The following TC2N variants were observed in gnomAD, a reference collection of about 807,000 sequenced individuals.
TC2N encodes tandem C2 domains nuclear protein.
Under a neutral mutation model 61.9 loss-of-function variants are expected in TC2N, and 51 were observed. The observed-to-expected ratio is 0.82, with a 90% CI of 0.66 to 1.04. The LOEUF is 1.04. TC2N is among the 50% of genes least tolerant of loss of function. TC2N has a pLI of 0.00. For synonymous variants in TC2N, 204 were observed against 192.6 expected (o/e 1.06, Z -0.49); for missense variants, 556 against 566.7 (o/e 0.98, Z 0.19).
intron 1 of TC2N, among the ~76,000 whole-genome samples, chr14:91,860,002 TA>T (rs1888559379): frequency 6.6e-6 from 1 of 152,184 alleles, no homozygotes; most frequent in Admixed American, 6.5e-5. Flanking sequence ...GTTTGAATCT[TA>T]ACCTGTGGGC....
intron 3 of TC2N, among the ~76,000 whole-genome samples, chr14:91,802,781 A>G (rs1722369983): frequency 6.6e-6 from 1 of 152,298 alleles, no homozygotes; most frequent in East Asian, 1.9e-4. Flanking sequence ...AAGACGTAGA[A>G]CATTTATTAA....
At chr14:91,841,875 G>T in intron 1 of TC2N, among the ~76,000 whole-genome samples, 1 of 152,024 alleles carries the variant, frequency 6.6e-6, no homozygotes, top group Non-Finnish European at 1.5e-5. Flanking sequence ...AGACTCTAGT[G>T]GTTCTGCTTC....
chr14:91,864,683 CTTAAATCAATG>C (rs1232113515), intron 1 of TC2N, among the ~76,000 whole-genome samples: 1 of 152,034 alleles, frequency 6.6e-6, no homozygotes, highest in East Asian at 1.9e-4. Flanking sequence ...ACTCTGTGGC[CTTAAATCAATG>C]TTAATTAATT....
chr14:91,864,777 C>CTTTTT (rs5810557), intron 1 of TC2N, among the ~76,000 whole-genome samples: 2 of 70,796 alleles, frequency 2.8e-5, no homozygotes, highest in African/African-American at 4.5e-5. Context: ...CTGCCTTCAT[C>CTTTTT]TTTTTTTTTT....
chr14:91,866,513 G>A (rs138151601), intron 1 of TC2N: 5 of 152,160 alleles, frequency 3.3e-5, no homozygotes, highest in Non-Finnish European at 4.4e-5. Context: ...TAGGATGAAC[G>A]TTTTCACCCA....
intron 1 of TC2N, among the ~76,000 whole-genome samples, chr14:91,819,625 A>T (rs551515148): frequency 1.3e-5 from 2 of 152,354 alleles, no homozygotes; most frequent in East Asian, 3.9e-4. Context: ...AATAAAGTGC[A>T]CCATAAGTAT....
intron 9 of TC2N, among the ~76,000 whole-genome samples, chr14:91,788,803 G>A (rs1885489296): frequency 6.6e-6 from 1 of 152,080 alleles, no homozygotes; most frequent in Admixed American, 6.5e-5. Context: ...CTCAACTGTT[G>A]GAATTTAATT....
intron 1 of TC2N, among the ~76,000 whole-genome samples, chr14:91,830,423 T>C (rs1887704066): frequency 6.6e-6 from 1 of 152,152 alleles, no homozygotes; most frequent in Admixed American, 6.5e-5. Flanking sequence ...CTTGAAAACA[T>C]TATGCTAAGA....
chr14:91,790,059 C>A (rs1885570531), intron 9 of TC2N, among the ~76,000 whole-genome samples: 1 of 152,154 alleles, frequency 6.6e-6, no homozygotes, highest in African/African-American at 2.4e-5. Flanking sequence ...TGTATAACCT[C>A]AGGCAAGTGT....
At chr14:91,827,355 T>C (rs1040154912) in intron 1 of TC2N, among the ~76,000 whole-genome samples, 1 of 152,236 alleles carries the variant, frequency 6.6e-6, no homozygotes, top group African/African-American at 2.4e-5. Flanking sequence ...TTGGCAGGGC[T>C]GCATTACTTC....
chr14:91,859,467 A>C (rs1190996387), intron 1 of TC2N, among the ~76,000 whole-genome samples: 1 of 152,068 alleles, frequency 6.6e-6, no homozygotes, highest in Non-Finnish European at 1.5e-5. Flanking sequence ...ACTTCTCCTG[A>C]AGCTTTCCCC....
At chr14:91,851,449 G>A (rs777789285) in intron 1 of TC2N, among the ~76,000 whole-genome samples, 4 of 152,198 alleles carry the variant, frequency 2.6e-5, no homozygotes, top group Non-Finnish European at 4.4e-5. Context: ...TCTAAATAGA[G>A]TGTCAAGGTG....
intron 9 of TC2N, among the ~76,000 whole-genome samples, chr14:91,790,463 T>C (rs1885591092): frequency 6.6e-6 from 1 of 152,190 alleles, no homozygotes; most frequent in Non-Finnish European, 1.5e-5. Context: ...ATAAACTCAC[T>C]GGTCCAGCAT....
chr14:91,794,885 C>G (rs1410189098), intron 8 of TC2N, among the ~76,000 whole-genome samples: 3 of 152,038 alleles, frequency 2.0e-5, no homozygotes, highest in Admixed American at 6.6e-5. Flanking sequence ...CTCTGATGGA[C>G]CTGGGCAAAA....
At position 91,861,138 on chromosome 14, in the gene TC2N, C is replaced by T. The variant is rs79488644; in HGVS notation, c.-57+6124G>A. 7.5e-3 allele frequency among the ~76,000 whole-genome samples: 1,142 copies of T among 152,140 alleles called. 33 individuals are homozygous for T. The South Asian group carries it at 0.082, about 11-fold the overall frequency. ...AATGAGTGGAGGTAGCCTGGATCTC[C>T]GACAAGGGGTACTGGAATGAAGGAA... On this transcript the variant is annotated intron_variant, in intron 1 of 11. Transcript: ENST00000435962.
rs1888728256 is a variant in TC2N at position 91,867,519 on chromosome 14, C to T, written c.-314G>A. 1 of 152,212 alleles carries T rather than the reference C, an allele frequency of 6.6e-6. No individual in the cohort carries two copies. Among genetic ancestry groups the T allele is most frequent in the Admixed American group, 6.5e-5 (1 of 15,286 alleles). 9.4% of individuals were successfully genotyped at this position (152,212 alleles called of 1,614,324 possible). ...CATTTGGTGCTGATGTGATTGCTAA[C>T]ACCACTTGACCCTGACTGAAGAACC... On this transcript the variant is annotated 5_prime_UTR_variant, in exon 1 of 12. Coordinates refer to ENST00000435962, the MANE Select transcript of TC2N (RefSeq NM_001128596.3).
At chr14:91,785,137 A>G (rs773823169) in intron 11 of TC2N, 25 bp downstream of exon 11, 10 of 1,538,612 alleles carry the variant, frequency 6.5e-6, no homozygotes, top group Non-Finnish European at 9.0e-6. Flanking sequence ...GAAAAATATA[A>G]GGAAGGATAA....
intron 1 of TC2N, among the ~76,000 whole-genome samples, chr14:91,861,297 G>A (rs976189776): frequency 1.3e-5 from 2 of 152,234 alleles, no homozygotes; most frequent in Non-Finnish European, 2.9e-5. Context: ...AACAGGAAGA[G>A]GGCAAGTAAC....
intron 3 of TC2N, among the ~76,000 whole-genome samples, chr14:91,807,268 G>A (rs1274823867): frequency 6.6e-6 from 1 of 152,194 alleles, no homozygotes; most frequent in Non-Finnish European, 1.5e-5. Context: ...CTCCACTGGG[G>A]CACTGCCTAG....
Sources: allele counts gnomAD v4.1 joint callset (sites outside exome capture counted in the v4.1 genomes callset), GRCh38; gene constraint gnomAD v4.1.1; transcripts MANE v1.5; gene names NCBI Gene and HGNC (gene_info 2026-07-23, HGNC 2026-07-21).